Variants in GABRG1 observed in about 807,000 individuals in gnomAD.
The protein encoded by GABRG1 is gamma-aminobutyric acid receptor subunit gamma-1.
GABRG1 carries 49 observed loss-of-function variants against 49.8 expected under a neutral mutation model. That is an observed-to-expected ratio of 0.98 (90% CI 0.78 to 1.25). The LOEUF (loss-of-function observed/expected upper bound fraction) is 1.25. GABRG1 is among the 50% of genes most tolerant of loss of function. The pLI is 0.00. For missense variants in GABRG1, 552 were observed against 552.3 expected (o/e 1.00, Z 0.01); for synonymous variants, 232 against 185.1 (o/e 1.25, Z -2.06).
rs891729882 is a variant in GABRG1, at chr4:46,037,037, T to A, written c.*3951A>T. 4.6e-5 allele frequency: 7 copies of A among 151,958 alleles called. No homozygotes were observed. Among genetic ancestry groups the A allele is most frequent in the Admixed American group, 2.6e-4 (4 of 15,192 alleles). The allele number at this position is 151,958 out of a possible 1,614,324, so 9.4% of individuals were successfully genotyped here. On this transcript the variant is annotated 3_prime_UTR_variant, in exon 9 of 9. Transcript: ENST00000295452. ...TTGTGATCTCTCTCCCTCTTACCTG[T>A]TGAATCCCCAGCTCGCATCTCTAAA...
intron 1 of GABRG1, among the ~76,000 whole-genome samples, chr4:46,110,585 A>C (rs1032287130): frequency 6.6e-6 from 1 of 151,274 alleles, no homozygotes; most frequent in African/African-American, 2.4e-5. Context: ...CTTGATGAAC[A>C]TAGATGCAAA....
chr4:46,118,393 TATTGCTCCC>T (rs1435263414), intron 1 of GABRG1, among the ~76,000 whole-genome samples: 1 of 150,596 alleles, frequency 6.6e-6, no homozygotes, highest in African/African-American at 2.4e-5. Flanking sequence ...GCAACTTCTT[TATTGCTCCC>T]ACTGTACCTC....
chr4:46,071,450 TTATAA>T (rs141473971), intron 3 of GABRG1, among the ~76,000 whole-genome samples: 1,840 of 149,034 alleles, frequency 0.012, 36 homozygotes, highest in African/African-American at 0.043. Context: ...TATAAATATA[TTATAA>T]TGTAATGTAT....
intron 8 of GABRG1, among the ~76,000 whole-genome samples, chr4:46,043,198 T>C (rs1018064892): frequency 3.3e-5 from 5 of 152,006 alleles, no homozygotes; most frequent in Non-Finnish European, 7.4e-5. Context: ...GGTGTGTTTT[T>C]CAGAGGATAT....
chr4:46,089,065 A>G (rs1433897725), intron 2 of GABRG1, among the ~76,000 whole-genome samples: 1 of 151,990 alleles, frequency 6.6e-6, no homozygotes. Context: ...GTGGGTATAA[A>G]GCACGCCAAA....
intron 1 of GABRG1, among the ~76,000 whole-genome samples, chr4:46,102,070 ACTT>A (rs1238868403): frequency 1.3e-5 from 2 of 151,690 alleles, no homozygotes; most frequent in African/African-American, 2.4e-5. Context: ...CTAAGAATGA[ACTT>A]CTTCTTATAT....
intron 1 of GABRG1, among the ~76,000 whole-genome samples, chr4:46,099,528 C>T (rs1212632025): frequency 6.6e-6 from 1 of 151,616 alleles, no homozygotes; most frequent in Non-Finnish European, 1.5e-5. Flanking sequence ...TGGCAGATTG[C>T]CTCAGGATGG....
rs554778043 is a variant in GABRG1 at position 46,043,733 on chromosome 4, CG to C, written c.1132-2480del. Among the ~76,000 whole-genome samples the C allele has an allele frequency of 8.0e-4, 121 of 151,872 alleles. 3 individuals are homozygous for C. In the South Asian group the frequency reaches 0.025, roughly 31 times the overall value. Reference sequence around the variant, plus strand: ...TAGAATATTCTACCTTAAATAAAATCGTTTTTAAAATACACTTTTAAAAAAT... The same window carrying C: ...TAGAATATTCTACCTTAAATAAAATCTTTTTAAAATACACTTTTAAAAAAT... On this transcript the variant is annotated intron_variant, in intron 8 of 8. Transcript: ENST00000295452.
At chr4:46,113,036 A>G (rs1720771655) in intron 1 of GABRG1, among the ~76,000 whole-genome samples, 1 of 151,152 alleles carries the variant, frequency 6.6e-6, no homozygotes, top group Admixed American at 6.6e-5. Context: ...ACTTGGCATG[A>G]CTGAAAGCTT....
chr4:46,048,623 G>T lies in GABRG1; in HGVS notation c.1131+2801C>A, dbSNP rs148776409. Among the ~76,000 whole-genome samples, 82 of 146,470 alleles carry T rather than the reference G, an allele frequency of 5.6e-4. 1 individual carries two copies. Among genetic ancestry groups the T allele is most frequent in the African/African-American group, 1.8e-3 (71 of 39,646 alleles). On this transcript the variant is annotated intron_variant, in intron 8 of 8. Coordinates refer to ENST00000295452, the MANE Select transcript of GABRG1 (RefSeq NM_173536.4). ...GGAAGGAAGGAAGGAGAAGGGAAGG[G>T]AAGCGAAGGGAAGGAAAGGGAGGAA...
In GABRG1 at chr4:46,037,461, C is replaced by T. The variant is rs13115251; in HGVS notation, c.*3527G>A. ...ATACCAAGTATGTCTTGCCATCATA[C>T]GGTACAGCACTGAGAAGCTGAATAA... On this transcript the variant is annotated 3_prime_UTR_variant, in exon 9 of 9. Transcript: ENST00000295452. 76,927 of 151,266 alleles carry T rather than the reference C, an allele frequency of 0.51. 20,182 individuals carry two copies. The highest frequency in any genetic ancestry group is 0.63 in the African/African-American group (26,236 of 41,344). 9.4% of individuals were successfully genotyped at this position (151,266 alleles called of 1,614,324 possible). A position where few individuals can be genotyped will look rare whatever the true frequency, so the allele number is the denominator to read the frequency against.
At chr4:46,085,317 C>G (rs1259197933) in intron 2 of GABRG1, among the ~76,000 whole-genome samples, 1 of 151,396 alleles carries the variant, frequency 6.6e-6, no homozygotes, top group Non-Finnish European at 1.5e-5. Context: ...TAAACATATA[C>G]ATTAGAAAAA....
chr4:46,082,027 A>G (rs1719593681), intron 3 of GABRG1, among the ~76,000 whole-genome samples: 2 of 151,850 alleles, frequency 1.3e-5, no homozygotes. Flanking sequence ...TAGTGAACAA[A>G]TACCAAAGGC....
chr4:46,101,106 A>T (rs1720364873), intron 1 of GABRG1, among the ~76,000 whole-genome samples: 1 of 151,578 alleles, frequency 6.6e-6, no homozygotes, highest in East Asian at 2.0e-4. Context: ...TTTTGGATAA[A>T]TATTTATTTG....
chr4:46,045,252 G>A (rs1035292681), intron 8 of GABRG1, among the ~76,000 whole-genome samples: 2 of 151,950 alleles, frequency 1.3e-5, no homozygotes, highest in Non-Finnish European at 1.5e-5. Context: ...AGAACAGTTA[G>A]AAAATAAGAC....
At chr4:46,048,397 AGG>A in intron 8 of GABRG1, among the ~76,000 whole-genome samples, 1 of 150,528 alleles carries the variant, frequency 6.6e-6, no homozygotes, top group East Asian at 2.0e-4. Flanking sequence ...GAAGGAAGGA[AGG>A]AAGGAAGGAA....
At chr4:46,111,263 A>G (rs1407602326) in intron 1 of GABRG1, among the ~76,000 whole-genome samples, 2 of 151,084 alleles carry the variant, frequency 1.3e-5, no homozygotes, top group Admixed American at 6.6e-5. Flanking sequence ...CACAAAAATA[A>G]TACCTAGGAA....
chr4:46,088,348 T>C (rs1719857674), intron 2 of GABRG1, among the ~76,000 whole-genome samples: 1 of 152,074 alleles, frequency 6.6e-6, no homozygotes, highest in African/African-American at 2.4e-5. Context: ...CCTTATAGTC[T>C]GAACCTAGAA....
intron 1 of GABRG1, among the ~76,000 whole-genome samples, chr4:46,122,360 T>A (rs1003141942): frequency 3.3e-5 from 5 of 152,136 alleles, no homozygotes; most frequent in African/African-American, 1.2e-4. Flanking sequence ...CTACTGTAAA[T>A]CTGTTTTTAC....
Sources: gnomAD v4.1 joint callset for allele counts (sites outside exome capture counted in the v4.1 genomes callset) on GRCh38, gnomAD v4.1.1 for gene constraint, MANE v1.5 for transcripts, NCBI Gene and HGNC (gene_info 2026-07-23, HGNC 2026-07-21) for gene names.